AOAH: variants seen among roughly 807,000 people sequenced by gnomAD.
AOAH encodes acyloxyacyl hydrolase (neutrophil).
AOAH carries 64 observed loss-of-function variants against 92.2 expected under a neutral mutation model. That is an observed-to-expected ratio of 0.69 (90% confidence interval 0.57 to 0.86). The LOEUF (loss-of-function observed/expected upper bound fraction) is 0.86. Among genes scored for constraint, AOAH ranks in the 40% least tolerant of loss-of-function variants. AOAH has a pLI of 0.00. For missense variants in AOAH, 656 were observed against 694.6 expected (o/e 0.94, Z 0.62); for synonymous variants, 263 against 254.5 (o/e 1.03, Z -0.32).
intron 6 of AOAH, among the ~76,000 whole-genome samples, chr7:36,630,015 G>A (rs1271351718): frequency 6.6e-6 from 1 of 152,174 alleles, no homozygotes; most frequent in Non-Finnish European, 1.5e-5. Flanking sequence ...GAAATGACAG[G>A]CACCCAGGGA....
intron 5 of AOAH, among the ~76,000 whole-genome samples, 173 bp from the exon 6 acceptor site, chr7:36,632,279 C>T (rs1258006017): frequency 6.6e-6 from 1 of 152,156 alleles, no homozygotes; most frequent in Non-Finnish European, 1.5e-5. Context: ...CATATCCATG[C>T]CACTGCCTGT....
intron 2 of AOAH, among the ~76,000 whole-genome samples, chr7:36,683,606 A>C (rs1796780752): frequency 6.6e-6 from 1 of 152,196 alleles, no homozygotes; most frequent in African/African-American, 2.4e-5. Flanking sequence ...TAAATGAGTA[A>C]TGATTGGAGA....
intron 13 of AOAH, among the ~76,000 whole-genome samples, chr7:36,566,331 C>T (rs1787709589): frequency 6.7e-6 from 1 of 148,164 alleles, no homozygotes; most frequent in Non-Finnish European, 1.5e-5. Flanking sequence ...GATTAATACT[C>T]ATTTATAGTT....
In AOAH at chr7:36,683,462, C is replaced by A. The variant is rs114053354; in HGVS notation, c.223+3237G>T. Reference sequence around the variant, plus strand: ...GCTCAGATAAGGTAGGACAATGATTCAAAAGGGTGGAGAAATGGGAAAGGC... The same window carrying A: ...GCTCAGATAAGGTAGGACAATGATTAAAAAGGGTGGAGAAATGGGAAAGGC... On this transcript the variant is annotated intron_variant, in intron 2 of 20. Transcript: ENST00000617537. Among the ~76,000 whole-genome samples, 914 of 152,106 alleles carry A rather than the reference C, an allele frequency of 6.0e-3. 10 individuals are homozygous for A. The highest frequency in any genetic ancestry group is 0.021 in the African/African-American group (886 of 41,478).
Position 36,554,793 on chromosome 7 carries a change from A to G in AOAH, c.1022-5318T>C, listed in dbSNP as rs542600589. Among the ~76,000 whole-genome samples, 964 of 150,922 alleles carry G rather than the reference A, an allele frequency of 6.4e-3. 4 individuals are homozygous for G. Among genetic ancestry groups the G allele is most frequent in the Non-Finnish European group, 9.0e-3 (610 of 67,696 alleles). On this transcript the variant is annotated intron_variant, in intron 13 of 20. Transcript: ENST00000617537. ...TGATTTGGCTCTCTGTTTGTCTGTT[A>G]TTGGTGTATAAGAATGCTTGTGATT...
At position 36,688,556 on chromosome 7, in the gene AOAH, T is replaced by C. The variant is rs1797182106; in HGVS notation, c.128-1762A>G. 2.0e-5 allele frequency among the ~76,000 whole-genome samples: 3 copies of C among 152,238 alleles called. No individual in the cohort carries two copies. In the South Asian group the frequency reaches 6.2e-4, roughly 32 times the overall value. ...ATTGCTGTGATAAGAGGGTGCAGTA[T>C]GGTGTAGTTGAAGAGAGAGAGGCTT... On this transcript the variant is annotated intron_variant, in intron 1 of 20. Coordinates refer to ENST00000617537, the MANE Select transcript of AOAH (RefSeq NM_001637.4).
chr7:36,543,899 C>T (rs1334188687), intron 15 of AOAH, among the ~76,000 whole-genome samples: 2 of 151,188 alleles, frequency 1.3e-5, no homozygotes, highest in Non-Finnish European at 2.9e-5. Flanking sequence ...CTTTTGACTT[C>T]TGTCCCTGAA....
chr7:36,689,159 C>T (rs1466212705), intron 1 of AOAH, among the ~76,000 whole-genome samples: 1 of 152,120 alleles, frequency 6.6e-6, no homozygotes, highest in Non-Finnish European at 1.5e-5. Context: ...CTGTTCCAGT[C>T]TCCACTTGTG....
intron 12 of AOAH, among the ~76,000 whole-genome samples, chr7:36,578,319 C>G (rs914720355): frequency 3.3e-5 from 5 of 152,024 alleles, no homozygotes; most frequent in African/African-American, 1.2e-4. Flanking sequence ...AATAAAAGAA[C>G]TAAACATTAT....
At chr7:36,522,837 A>G (rs1004019998) in intron 19 of AOAH, among the ~76,000 whole-genome samples, 2 of 152,122 alleles carry the variant, frequency 1.3e-5, no homozygotes, top group Non-Finnish European at 2.9e-5. Flanking sequence ...CTACGCCCTC[A>G]CTTGCCCAGC....
intron 19 of AOAH, among the ~76,000 whole-genome samples, chr7:36,524,681 T>C (rs1223754017): frequency 1.3e-5 from 2 of 150,910 alleles, no homozygotes; most frequent in East Asian, 1.9e-4. Flanking sequence ...GTCTCGACAA[T>C]AAGTAAATTA....
intron 11 of AOAH, among the ~76,000 whole-genome samples, chr7:36,609,563 G>A (rs1034082531): frequency 1.3e-5 from 2 of 152,022 alleles, no homozygotes; most frequent in South Asian, 2.1e-4. Context: ...GCCTTTGCAC[G>A]TACTCTTTCC....
intron 11 of AOAH, among the ~76,000 whole-genome samples, chr7:36,600,660 C>T (rs1259389639): frequency 2.0e-5 from 3 of 151,732 alleles, no homozygotes; most frequent in Non-Finnish European, 4.4e-5. Flanking sequence ...CAGGCCGGGT[C>T]AGCACCATCC....
intron 1 of AOAH, among the ~76,000 whole-genome samples, chr7:36,720,504 G>T (rs369222715): frequency 6.6e-6 from 1 of 152,160 alleles, no homozygotes; most frequent in East Asian, 1.9e-4. Flanking sequence ...TCTTTTTGAG[G>T]CTATTACTTC....
At chr7:36,589,233 G>A (rs73107112) in intron 12 of AOAH, among the ~76,000 whole-genome samples, 1,523 of 152,178 alleles carry the variant, frequency 0.01, 15 homozygotes, top group Middle Eastern at 0.024. Flanking sequence ...GGACTTAGAT[G>A]CCTGTTTTCC....
chr7:36,532,342 G>A lies in AOAH; in HGVS notation c.1309C>T (p.Gln437Ter), dbSNP rs761565533. 6.2e-7 allele frequency: 1 copy of A among 1,613,602 alleles called. No homozygotes were observed. The highest frequency in any genetic ancestry group is 1.1e-5 in the South Asian group (1 of 91,030). ...GCATAGGTCATGTCTTTATTTAGCTGGCCTGGAAAACAGAGAGGTCTGGTA... is the reference window on the plus strand; with the variant it reads ...GCATAGGTCATGTCTTTATTTAGCTAGCCTGGAAAACAGAGAGGTCTGGTA... ...NLHNRYHPLG[Q>*]LNKDMTYAQL... Residue 437 changes from glutamine (Q) to a stop codon, truncating the protein, a stop_gained and splice_region_variant, in exon 17 of 21, where the codon CAG becomes TAG. Transcript: ENST00000617537. LOFTEE classifies it high-confidence loss of function.
rs143109186 is a variant in AOAH, at chr7:36,631,061, A to G, written c.521+975T>C. ...CAGTGGTCATATTAGAAGTAGCTTA[A>G]TGGGATGGGCTTGGTGGCTCACGCC... On this transcript the variant is annotated intron_variant, in intron 6 of 20. Transcript: ENST00000617537. 7.6e-3 allele frequency among the ~76,000 whole-genome samples: 1,158 copies of G among 152,332 alleles called. 15 individuals carry two copies. The highest frequency in any genetic ancestry group is 0.027 in the African/African-American group (1,114 of 41,586).
chr7:36,635,080 C>G (rs773816576), intron 5 of AOAH, among the ~76,000 whole-genome samples: 5 of 152,112 alleles, frequency 3.3e-5, no homozygotes, highest in Non-Finnish European at 5.9e-5. Context: ...GAGATGGGCC[C>G]CGAGCAACAT....
intron 1 of AOAH, among the ~76,000 whole-genome samples, chr7:36,710,808 C>T (rs1432893527): frequency 1.3e-5 from 2 of 152,178 alleles, no homozygotes; most frequent in African/African-American, 4.8e-5. Flanking sequence ...AATTTCACAA[C>T]TTCTGGAGCA....
Sources: allele counts gnomAD v4.1 joint callset (sites outside exome capture counted in the v4.1 genomes callset), GRCh38; gene constraint gnomAD v4.1.1; transcripts MANE v1.5; gene names NCBI Gene and HGNC (gene_info 2026-07-23, HGNC 2026-07-21).